LRRTM4: variants seen among roughly 807,000 people sequenced by gnomAD.
LRRTM4 encodes leucine-rich repeat transmembrane neuronal protein 4.
Under a neutral mutation model 47.6 loss-of-function variants are expected in LRRTM4, and 25 were observed. The observed-to-expected ratio is 0.53, with a 90% confidence interval of 0.38 to 0.73. LRRTM4 has a LOEUF of 0.73. LRRTM4 is among the 30% of genes least tolerant of loss of function. The pLI, the probability that LRRTM4 is intolerant of heterozygous loss-of-function variation, is 0.00. For synonymous variants in LRRTM4, 311 were observed against 269.5 expected, an observed-to-expected ratio of 1.15 and a Z score of -1.51; for missense variants, 638 against 713.4, an observed-to-expected ratio of 0.89 and a Z score of 1.20.
intron 3 of LRRTM4, among the ~76,000 whole-genome samples, chr2:76,905,931 T>C (rs1457195340): frequency 6.6e-6 from 1 of 152,114 alleles, no homozygotes; most frequent in East Asian, 1.9e-4. Context: ...TGCAGGATAT[T>C]ATCCAAGAGA....
intron 3 of LRRTM4, among the ~76,000 whole-genome samples, chr2:76,943,713 C>G (rs980653894): frequency 9.8e-5 from 15 of 152,296 alleles, no homozygotes; most frequent in Admixed American, 3.3e-4. Flanking sequence ...ACAACACACA[C>G]TGAATTTAGT....
At chr2:77,072,207 G>C (rs1457583174) in intron 3 of LRRTM4, among the ~76,000 whole-genome samples, 1 of 151,924 alleles carries the variant, frequency 6.6e-6, no homozygotes, top group Admixed American at 6.6e-5. Flanking sequence ...GACTCCAGTT[G>C]GCACCATAAA....
chr2:77,396,018 G>T lies in LRRTM4; in HGVS notation c.1551+122300C>A, dbSNP rs909466067. Among the ~76,000 whole-genome samples the T allele has an allele frequency of 2.4e-4, 37 of 151,958 alleles. 1 individual carries two copies. Among genetic ancestry groups the T allele is most frequent in the African/African-American group, 8.0e-4 (33 of 41,486 alleles). On this transcript the variant is annotated intron_variant, in intron 3 of 3. Coordinates refer to ENST00000409884, the MANE Select transcript of LRRTM4 (RefSeq NM_001134745.3). ...TTATATTTTATATTTTTCAGGCTTG[G>T]AATTAATATTTGCACAGAAACATTT...
intron 3 of LRRTM4, among the ~76,000 whole-genome samples, chr2:77,034,534 T>C (rs755710792): frequency 2.0e-5 from 3 of 151,942 alleles, no homozygotes; most frequent in Non-Finnish European, 4.4e-5. Context: ...TCTTACTATT[T>C]ATGGGTGGAA....
chr2:77,262,652 A>G (rs1000063369), intron 3 of LRRTM4, among the ~76,000 whole-genome samples: 1 of 151,762 alleles, frequency 6.6e-6, no homozygotes, highest in African/African-American at 2.4e-5. Flanking sequence ...CATTTTGTAA[A>G]ATGTCTTTCA....
Position 77,346,579 on chromosome 2 carries a change from C to A in LRRTM4, c.1551+171739G>T, listed in dbSNP as rs183882624. On this transcript the variant is annotated intron_variant, in intron 3 of 3. Coordinates refer to ENST00000409884, the MANE Select transcript of LRRTM4 (RefSeq NM_001134745.3). ...TGTCAGCAGGAATTTTACATTGGTACAATATTCCTTAAAGTTTTTCAAAAA... is the reference window on the plus strand; with the variant it reads ...TGTCAGCAGGAATTTTACATTGGTAAAATATTCCTTAAAGTTTTTCAAAAA... 8.7e-3 allele frequency among the ~76,000 whole-genome samples: 1,319 copies of A among 152,050 alleles called. 24 individuals carry two copies. The highest frequency in any genetic ancestry group is 0.031 in the African/African-American group (1,282 of 41,474).
chr2:77,430,383 A>T (rs1675317360), intron 3 of LRRTM4, among the ~76,000 whole-genome samples: 1 of 152,146 alleles, frequency 6.6e-6, no homozygotes, highest in East Asian at 1.9e-4. Flanking sequence ...GGCTGTTATA[A>T]TAAGACATTT....
chr2:77,444,774 TACTTCC>T (rs1675984105), intron 3 of LRRTM4, among the ~76,000 whole-genome samples: 1 of 152,050 alleles, frequency 6.6e-6, no homozygotes, highest in African/African-American at 2.4e-5. Flanking sequence ...TCAATCTCCA[TACTTCC>T]ACTTGCTGGA....
rs1265560918 is a variant in LRRTM4 at position 77,010,439 on chromosome 2, T to C, written c.1552-261523A>G. Among the ~76,000 whole-genome samples, 4 of 151,736 alleles carry C rather than the reference T, an allele frequency of 2.6e-5. No homozygotes were observed. The East Asian group carries it at 5.8e-4, about 22-fold the overall frequency. Reference sequence around the variant, plus strand: ...CTTAGCATAATGTCTTCCTGGTTGATCCATGTTTTTTCATATGACAGAACT... The same window carrying C: ...CTTAGCATAATGTCTTCCTGGTTGACCCATGTTTTTTCATATGACAGAACT... On this transcript the variant is annotated intron_variant, in intron 3 of 3. Transcript: ENST00000409884.
At chr2:76,944,947 G>T (rs1467894111) in intron 3 of LRRTM4, among the ~76,000 whole-genome samples, 5 of 152,016 alleles carry the variant, frequency 3.3e-5, no homozygotes, top group Non-Finnish European at 7.4e-5. Context: ...GAGCTTCCTT[G>T]GGAAGTTTTT....
intron 3 of LRRTM4, among the ~76,000 whole-genome samples, chr2:76,907,358 T>C (rs980414699): frequency 6.6e-6 from 1 of 150,432 alleles, no homozygotes; most frequent in African/African-American, 2.5e-5. Flanking sequence ...TAAAGGGAAA[T>C]TTATAGCACT....
intron 3 of LRRTM4, among the ~76,000 whole-genome samples, chr2:77,293,157 GA>G (rs1156538918): frequency 5.3e-5 from 8 of 151,910 alleles, no homozygotes; most frequent in East Asian, 1.9e-4. Context: ...TAATCGGGAA[GA>G]AAAAAGTGTC....
chr2:77,445,878 T>C (rs994772089), intron 3 of LRRTM4, among the ~76,000 whole-genome samples: 7 of 152,088 alleles, frequency 4.6e-5, no homozygotes, highest in Non-Finnish European at 5.9e-5. Context: ...ATAAATGAAG[T>C]AAAACCTGCA....
chr2:76,948,729 T>G (rs1409096413), intron 3 of LRRTM4, among the ~76,000 whole-genome samples: 1 of 151,846 alleles, frequency 6.6e-6, no homozygotes, highest in Non-Finnish European at 1.5e-5. Flanking sequence ...GAGGAAGTAA[T>G]AATGATTTGC....
intron 3 of LRRTM4, among the ~76,000 whole-genome samples, chr2:77,491,175 A>G (rs1419993070): frequency 1.3e-5 from 2 of 152,180 alleles, no homozygotes; most frequent in Non-Finnish European, 2.9e-5. Flanking sequence ...AAAAGTCTAC[A>G]TTAAATAACC....
At chr2:77,041,320 T>C (rs1679025449) in intron 3 of LRRTM4, among the ~76,000 whole-genome samples, 2 of 151,586 alleles carry the variant, frequency 1.3e-5, no homozygotes, top group Non-Finnish European at 1.5e-5. Context: ...ATCCATTCAT[T>C]TGTTGATTGA....
At chr2:77,118,616 G>C (rs1352024883) in intron 3 of LRRTM4, among the ~76,000 whole-genome samples, 1 of 151,852 alleles carries the variant, frequency 6.6e-6, no homozygotes, top group East Asian at 1.9e-4. Context: ...GTCTATCAAG[G>C]TGAATGAATG....
intron 3 of LRRTM4, among the ~76,000 whole-genome samples, chr2:77,004,061 T>C (rs900807071): frequency 1.3e-5 from 2 of 152,106 alleles, no homozygotes; most frequent in African/African-American, 2.4e-5. Flanking sequence ...TTGGAAGAAA[T>C]TTCTAAGTAG....
chr2:76,795,895 T>G (rs1675281046), intron 3 of LRRTM4, among the ~76,000 whole-genome samples: 1 of 151,786 alleles, frequency 6.6e-6, no homozygotes, highest in African/African-American at 2.4e-5. Context: ...TGCATTTCCA[T>G]CTGAGGTACC....
Sources: allele counts gnomAD v4.1 joint callset (sites outside exome capture counted in the v4.1 genomes callset), GRCh38; gene constraint gnomAD v4.1.1; transcripts MANE v1.5; gene names NCBI Gene and HGNC (gene_info 2026-07-23, HGNC 2026-07-21).